The following CREB3L2 variants were observed in gnomAD, a reference collection of about 807,000 sequenced individuals.
The protein encoded by CREB3L2 is cyclic AMP-responsive element-binding protein 3-like protein 2.
Under a neutral mutation model 57.2 loss-of-function variants are expected in CREB3L2, and 23 were observed. The ratio of observed to expected loss-of-function variants is 0.40; its 90% CI spans 0.29 to 0.57. CREB3L2 has a LOEUF of 0.57. Among genes scored for constraint, CREB3L2 ranks in the 20% least tolerant of loss-of-function variants. The pLI is 0.42. For missense variants in CREB3L2, 628 were observed against 634.7 expected, an observed-to-expected ratio of 0.99 and a Z score of 0.11; for synonymous variants, 268 against 265.1, an observed-to-expected ratio of 1.01 and a Z score of -0.11.
At chr7:137,895,198 G>A (rs1394663432) in intron 8 of CREB3L2, among the ~76,000 whole-genome samples, 1 of 152,168 alleles carries the variant, frequency 6.6e-6, no homozygotes, top group Non-Finnish European at 1.5e-5. Context: ...TATACCAGTG[G>A]GAAAAAATGA....
In CREB3L2 at chr7:137,922,485, T is replaced by TAC. The variant is rs142520842; in HGVS notation, c.319+5663_319+5664dup. The TAC allele has an allele frequency of 1.6e-3, 276 of 177,978 alleles. 1 individual carries two copies. Among genetic ancestry groups the TAC allele is most frequent in the African/African-American group, 2.9e-3 (92 of 31,688 alleles). 11.0% of individuals were successfully genotyped at this position (177,978 alleles called of 1,614,324 possible). A position where few individuals can be genotyped will look rare whatever the true frequency, so the allele number is the denominator to read the frequency against. ...ATATATATATACACACATATATATA[T>TAC]ACACACACACACACACACACACAAT... On this transcript the variant is annotated intron_variant, in intron 2 of 11. Transcript: ENST00000330387.
At chr7:137,938,242 G>A (rs892131876) in intron 1 of CREB3L2, among the ~76,000 whole-genome samples, 1 of 152,190 alleles carries the variant, frequency 6.6e-6, no homozygotes, top group Non-Finnish European at 1.5e-5. Context: ...GTTGACAGTG[G>A]CGGAGGCTAT....
At chr7:137,963,183 G>A (rs1333160676) in intron 1 of CREB3L2, among the ~76,000 whole-genome samples, 4 of 152,166 alleles carry the variant, frequency 2.6e-5, no homozygotes, top group Non-Finnish European at 4.4e-5. Context: ...TGATAAAAAG[G>A]CTGAGCAAAC....
At chr7:137,891,048 G>A (rs1322664092) in intron 8 of CREB3L2, among the ~76,000 whole-genome samples, 1 of 152,166 alleles carries the variant, frequency 6.6e-6, no homozygotes, top group African/African-American at 2.4e-5. Flanking sequence ...TTTAGAGAAA[G>A]GAATACTCTT....
intron 8 of CREB3L2, among the ~76,000 whole-genome samples, chr7:137,899,407 T>C (rs1301136912): frequency 6.6e-6 from 1 of 152,178 alleles, no homozygotes; most frequent in African/African-American, 2.4e-5. Context: ...CCAGGATTTG[T>C]CCCACCCACC....
intron 1 of CREB3L2, among the ~76,000 whole-genome samples, chr7:137,954,795 T>A (rs78293669): frequency 0.034 from 5,114 of 152,194 alleles, 306 homozygotes; most frequent in African/African-American, 0.11. Context: ...TGCCTCAGAC[T>A]TTTCTGGTTG....
chr7:137,904,285 C>T (rs1296374422), intron 6 of CREB3L2, among the ~76,000 whole-genome samples: 1 of 152,180 alleles, frequency 6.6e-6, no homozygotes, highest in East Asian at 1.9e-4. Context: ...AATCCCAACA[C>T]TTTGGGAGGC....
intron 1 of CREB3L2, among the ~76,000 whole-genome samples, chr7:137,929,905 A>T (rs1247583583): frequency 6.8e-6 from 1 of 146,344 alleles, no homozygotes; most frequent in Non-Finnish European, 1.5e-5. Flanking sequence ...AATTAAAATA[A>T]TTTTTTTTTT....
At chr7:137,922,428 ATATATATACG>A (rs1214251154) in intron 2 of CREB3L2, among the ~76,000 whole-genome samples, 1,835 of 53,476 alleles carry the variant, frequency 0.034, 108 homozygotes, top group African/African-American at 0.088. Context: ...ATATATATAT[ATATATATACG>A]TATATATATA....
At chr7:137,897,012 A>T (rs1186186028) in intron 8 of CREB3L2, among the ~76,000 whole-genome samples, 3 of 152,332 alleles carry the variant, frequency 2.0e-5, no homozygotes, top group African/African-American at 7.2e-5. Flanking sequence ...AGGTAAATAC[A>T]TTCTGAGGAT....
chr7:137,885,272 A>G, intron 9 of CREB3L2, 131 bp downstream of exon 9: 1 of 1,179,542 alleles, frequency 8.5e-7, no homozygotes, highest in Non-Finnish European at 1.2e-6. Context: ...TCACCGAGGA[A>G]CAGCCTCAGA....
intron 1 of CREB3L2, among the ~76,000 whole-genome samples, chr7:137,952,383 T>A (rs1361926212): frequency 6.6e-6 from 1 of 152,174 alleles, no homozygotes; most frequent in African/African-American, 2.4e-5. Flanking sequence ...AACTTCCCCA[T>A]GGCTGAGAGG....
chr7:137,945,420 A>T (rs1036402243), intron 1 of CREB3L2, among the ~76,000 whole-genome samples: 1 of 152,228 alleles, frequency 6.6e-6, no homozygotes, highest in Non-Finnish European at 1.5e-5. Flanking sequence ...ATTGCGTGAG[A>T]CCTGGTTTAA....
intron 1 of CREB3L2, among the ~76,000 whole-genome samples, chr7:137,939,738 C>T (rs1800850735): frequency 6.6e-6 from 1 of 152,220 alleles, no homozygotes; most frequent in Non-Finnish European, 1.5e-5. Context: ...ATGCTGAAAG[C>T]AGCTGCCATC....
At chr7:137,897,970 A>C (rs533878230) in intron 8 of CREB3L2, among the ~76,000 whole-genome samples, 16 of 152,214 alleles carry the variant, frequency 1.1e-4, no homozygotes, top group Non-Finnish European at 2.4e-4. Flanking sequence ...CAAAATGAAA[A>C]GGCAGCCCAC....
At chr7:137,920,300 T>A (rs1272381110) in intron 2 of CREB3L2, among the ~76,000 whole-genome samples, 1 of 152,220 alleles carries the variant, frequency 6.6e-6, no homozygotes, top group East Asian at 1.9e-4. Flanking sequence ...CTAATGTTGC[T>A]GTAGTTTTGC....
chr7:137,957,708 C>T (rs568149377), intron 1 of CREB3L2: 16 of 1,199,490 alleles, frequency 1.3e-5, no homozygotes, highest in African/African-American at 1.6e-5. Context: ...TCCTTCCACT[C>T]AATTTACAGG....
intron 1 of CREB3L2, chr7:137,953,639 T>C: frequency 1.4e-6 from 1 of 713,864 alleles, no homozygotes. Flanking sequence ...TTGCATTGTG[T>C]TTTAAGGCTG....
rs2117164291 is a variant in CREB3L2, at chr7:137,877,017, G to A, written c.*3459C>T. 4.3e-6 allele frequency: 1 copy of A among 230,320 alleles called. No homozygotes were observed. Among genetic ancestry groups the A allele is most frequent in the South Asian group, 1.8e-4 (1 of 5,494 alleles). 14.3% of individuals were successfully genotyped at this position (230,320 alleles called of 1,614,324 possible). A position where few individuals can be genotyped will look rare whatever the true frequency, so the allele number is the denominator to read the frequency against. On this transcript the variant is annotated 3_prime_UTR_variant, in exon 12 of 12. Coordinates refer to ENST00000330387, the MANE Select transcript of CREB3L2 (RefSeq NM_194071.4). ...GCCTCTACGCTTTTGCTGGGTCTGAGGACATGGGAGGGAGGAGCCATAAAA... is the reference window on the plus strand; with the variant it reads ...GCCTCTACGCTTTTGCTGGGTCTGAAGACATGGGAGGGAGGAGCCATAAAA...
Sources: gnomAD v4.1 joint callset for allele counts (sites outside exome capture counted in the v4.1 genomes callset) on GRCh38, gnomAD v4.1.1 for gene constraint, MANE v1.5 for transcripts, NCBI Gene and HGNC (gene_info 2026-07-23, HGNC 2026-07-21) for gene names.